CACNA2D3: variants seen among roughly 807,000 people sequenced by gnomAD.
The protein encoded by CACNA2D3 is voltage-dependent calcium channel subunit alpha-2/delta-3.
A neutral mutation model predicts 160.6 loss-of-function variants in CACNA2D3; 60 were observed. The ratio of observed to expected loss-of-function variants is 0.37; its 90% CI spans 0.30 to 0.46. CACNA2D3 has a LOEUF of 0.46. CACNA2D3 is among the 20% of genes least tolerant of loss of function. CACNA2D3 has a pLI of 1.00. For missense variants in CACNA2D3, 1,205 were observed against 1,365.0 expected (o/e 0.88, Z 1.85); for synonymous variants, 558 against 492.9 (o/e 1.13, Z -1.75).
chr3:54,312,704 A>T (rs912048130), intron 2 of CACNA2D3, among the ~76,000 whole-genome samples: 25 of 152,364 alleles, frequency 1.6e-4, no homozygotes, highest in Middle Eastern at 3.4e-3. Context: ...GGCTCACCAC[A>T]GGATTTCTTG....
chr3:54,913,909 A>T (rs894423759), intron 27 of CACNA2D3, among the ~76,000 whole-genome samples: 7 of 152,210 alleles, frequency 4.6e-5, no homozygotes, highest in Admixed American at 1.3e-4. Context: ...GGCTTAGAGA[A>T]AATTAAGTAT....
intron 2 of CACNA2D3, among the ~76,000 whole-genome samples, chr3:54,307,484 G>A (rs1019054853): frequency 2.0e-5 from 3 of 152,102 alleles, no homozygotes; most frequent in Non-Finnish European, 4.4e-5. Flanking sequence ...CTCTGATATT[G>A]GCAGTAGGGA....
rs974378835 is a variant in CACNA2D3 at position 54,944,810 on chromosome 3, TGG to T, written c.2450-23636_2450-23635del. ...TGAATATATTGACTGTAGTTAGAGC[TGG>T]GGGTGTGTGTGTGTGTGTGTGTGTG... On this transcript the variant is annotated intron_variant, in intron 27 of 37. Coordinates refer to ENST00000474759, the MANE Select transcript of CACNA2D3 (RefSeq NM_018398.3). Among the ~76,000 whole-genome samples the T allele has an allele frequency of 6.1e-4, 82 of 135,260 alleles. 1 individual carries two copies. The highest frequency in any genetic ancestry group is 2.7e-3 in the African/African-American group (81 of 30,442). 88.7% of individuals were successfully genotyped at this position (135,260 alleles called of 152,430 possible). A position where few individuals can be genotyped will look rare whatever the true frequency, so the allele number is the denominator to read the frequency against.
chr3:54,417,795 T>G (rs1042345134), intron 4 of CACNA2D3, among the ~76,000 whole-genome samples: 855 of 68,046 alleles, frequency 0.013, 5 homozygotes, highest in Non-Finnish European at 0.021. Flanking sequence ...TCTGTGTGTG[T>G]GGGGGGGGGG....
intron 13 of CACNA2D3, among the ~76,000 whole-genome samples, chr3:54,771,122 C>G (rs1702313251): frequency 6.6e-6 from 1 of 152,002 alleles, no homozygotes; most frequent in Non-Finnish European, 1.5e-5. Flanking sequence ...TCTTAGTGGC[C>G]TCGGGCAGCT....
intron 10 of CACNA2D3, among the ~76,000 whole-genome samples, chr3:54,629,097 G>T (rs1437625170): frequency 6.6e-6 from 1 of 152,074 alleles, no homozygotes; most frequent in African/African-American, 2.4e-5. Flanking sequence ...TTTGCAGGAA[G>T]AAGGCATGGG....
rs1388068557 is a variant in CACNA2D3 at position 54,459,780 on chromosome 3, T to G, written c.382-43712T>G. Among the ~76,000 whole-genome samples the G allele has an allele frequency of 1.5e-4, 23 of 152,166 alleles. 1 individual carries two copies. In the South Asian group the frequency reaches 3.1e-3, roughly 21 times the overall value. The stretch of plus-strand genomic sequence containing the variant: ...GTGCAGAAGCTGTTTAGTTTAATTG[T>G]ATCCCATTTGTCAATTTTGGCTTTT... On this transcript the variant is annotated intron_variant, in intron 4 of 37. Coordinates refer to ENST00000474759, the MANE Select transcript of CACNA2D3 (RefSeq NM_018398.3).
intron 17 of CACNA2D3, among the ~76,000 whole-genome samples, chr3:54,849,941 C>T (rs1200758974): frequency 6.6e-6 from 1 of 152,180 alleles, no homozygotes; most frequent in African/African-American, 2.4e-5. Context: ...TAATGTTTGG[C>T]TTGATTTTAT....
Position 54,753,309 on chromosome 3 carries a change from G to C in CACNA2D3, c.1246+632G>C, listed in dbSNP as rs75746366. 6.7e-4 allele frequency among the ~76,000 whole-genome samples: 102 copies of C among 152,322 alleles called. 4 individuals carry two copies. In the East Asian group the frequency reaches 0.015, roughly 22 times the overall value. Reference sequence around the variant, plus strand: ...CTCTCTCATCATTCCTAGCCTTCTTGCCTATAGGTGGGGCTTCAAGACTGG... The same window carrying C: ...CTCTCTCATCATTCCTAGCCTTCTTCCCTATAGGTGGGGCTTCAAGACTGG... On this transcript the variant is annotated intron_variant, in intron 12 of 37. Transcript: ENST00000474759.
At chr3:54,470,464 C>T (rs1031414278) in intron 4 of CACNA2D3, among the ~76,000 whole-genome samples, 1 of 152,168 alleles carries the variant, frequency 6.6e-6, no homozygotes, top group Non-Finnish European at 1.5e-5. Context: ...AAACTGGTAC[C>T]AGCCACTGGA....
At chr3:54,671,389 A>G (rs1238802947) in intron 11 of CACNA2D3, among the ~76,000 whole-genome samples, 1 of 151,982 alleles carries the variant, frequency 6.6e-6, no homozygotes, top group African/African-American at 2.4e-5. Context: ...AGCCTGTGAG[A>G]GTGTAATATA....
intron 27 of CACNA2D3, among the ~76,000 whole-genome samples, chr3:54,954,247 G>C (rs1049351875): frequency 7.2e-5 from 11 of 152,180 alleles, no homozygotes; most frequent in African/African-American, 2.7e-4. Flanking sequence ...GGTCACCTTC[G>C]AGTCAGTCGG....
chr3:54,440,902 T>A (rs530414468), intron 4 of CACNA2D3, among the ~76,000 whole-genome samples: 2 of 152,372 alleles, frequency 1.3e-5, no homozygotes, highest in East Asian at 1.9e-4. Flanking sequence ...GACATTTGGC[T>A]TGGTTCCAAG....
chr3:54,546,772 T>C (rs1377118324), intron 5 of CACNA2D3, among the ~76,000 whole-genome samples: 1 of 152,082 alleles, frequency 6.6e-6, no homozygotes, highest in East Asian at 1.9e-4. Context: ...GTGGAGTGAA[T>C]TATAAATGGA....
rs373556430 is a variant in CACNA2D3, at chr3:54,832,011, T to TCATACACACAGCACACACACACACA, written c.1399-5146_1399-5145insTACACACAGCACACACACACACACA. On this transcript the variant is annotated intron_variant, in intron 14 of 37. Coordinates refer to ENST00000474759, the MANE Select transcript of CACNA2D3 (RefSeq NM_018398.3). Reference sequence around the variant, plus strand: ...TCCCTCTTTATCTCTCTCTTCTCTGTCACACACACACACACACACACACAC... The same window carrying TCATACACACAGCACACACACACACA: ...TCCCTCTTTATCTCTCTCTTCTCTGTCATACACACAGCACACACACACACACACACACACACACACACACACACAC... 5.7e-4 allele frequency among the ~76,000 whole-genome samples: 68 copies of TCATACACACAGCACACACACACACA among 118,940 alleles called. 1 individual carries two copies. The highest frequency in any genetic ancestry group is 4.0e-3 in the Middle Eastern group (1 of 248). 78.0% of individuals were successfully genotyped at this position (118,940 alleles called of 152,430 possible).
intron 2 of CACNA2D3, among the ~76,000 whole-genome samples, chr3:54,283,351 C>T (rs1051553639): frequency 1.3e-5 from 2 of 152,194 alleles, no homozygotes; most frequent in Admixed American, 1.3e-4. Flanking sequence ...TTTAAGGGTC[C>T]TCCCTCCATG....
intron 13 of CACNA2D3, among the ~76,000 whole-genome samples, chr3:54,766,155 G>A (rs1354485478): frequency 6.6e-6 from 1 of 152,048 alleles, no homozygotes; most frequent in Non-Finnish European, 1.5e-5. Flanking sequence ...AAAAACTTTT[G>A]TAAGCCAAAA....
At chr3:54,288,595 C>A (rs1167614254) in intron 2 of CACNA2D3, among the ~76,000 whole-genome samples, 1 of 152,170 alleles carries the variant, frequency 6.6e-6, no homozygotes, top group Middle Eastern at 3.4e-3. Context: ...ATCCTGATAC[C>A]AAAGCCGGGC....
intron 35 of CACNA2D3, among the ~76,000 whole-genome samples, chr3:55,058,031 T>G (rs6774805): frequency 0.03 from 4,533 of 152,280 alleles, 233 homozygotes; most frequent in African/African-American, 0.1. Flanking sequence ...TCTAAAACAT[T>G]GCCTTTCATC....
Sources: allele counts gnomAD v4.1 joint callset (sites outside exome capture counted in the v4.1 genomes callset), GRCh38; gene constraint gnomAD v4.1.1; transcripts MANE v1.5; gene names NCBI Gene and HGNC (gene_info 2026-07-23, HGNC 2026-07-21).